The following IQCM variants were observed in gnomAD, a reference collection of about 807,000 sequenced individuals.
IQCM encodes IQ motif containing M, also known as IQ domain-containing protein M.
In IQCM, 45 loss-of-function variants were observed where a neutral mutation model predicts 57.6. The ratio of observed to expected loss-of-function variants is 0.78; its 90% CI spans 0.62 to 1.00. The LOEUF is 1.00. IQCM is among the 50% of genes least tolerant of loss of function. The pLI is 0.00. For missense variants in IQCM, 468 were observed against 511.6 expected (o/e 0.91, Z 0.82); for synonymous variants, 148 against 158.9 (o/e 0.93, Z 0.51).
chr4:149,618,411 C>G (rs1418788801), intron 8 of IQCM, among the ~76,000 whole-genome samples: 1 of 151,952 alleles, frequency 6.6e-6, no homozygotes, highest in Non-Finnish European at 1.5e-5. Context: ...AGAAGAAAAC[C>G]TAGGAAAAAG....
rs572572958 is a variant in IQCM at position 149,632,583 on chromosome 4, G to GA, written c.566-11340dup. Among the ~76,000 whole-genome samples, 729 of 150,176 alleles carry GA rather than the reference G, an allele frequency of 4.9e-3. 3 individuals are homozygous for GA. Among genetic ancestry groups the GA allele is most frequent in the Non-Finnish European group, 8.2e-3 (555 of 67,440 alleles). ...AGTTAATGTAATACATTCAAAAGAGGAAAAAAAAAGATCCTGGTGACAAAA... is the reference window on the plus strand; with the variant it reads ...AGTTAATGTAATACATTCAAAAGAGGAAAAAAAAAAGATCCTGGTGACAAAA... On this transcript the variant is annotated intron_variant, in intron 7 of 13. Coordinates refer to ENST00000636793, the MANE Select transcript of IQCM (RefSeq NM_001363507.2).
chr4:149,652,299 G>T (rs1579857540), intron 7 of IQCM, among the ~76,000 whole-genome samples: 1 of 152,140 alleles, frequency 6.6e-6, no homozygotes, highest in Middle Eastern at 3.4e-3. Flanking sequence ...CCTGTTGAGG[G>T]GTGGAGGGAA....
chr4:149,665,068 T>C (rs1212008766), intron 7 of IQCM, among the ~76,000 whole-genome samples: 1 of 152,132 alleles, frequency 6.6e-6, no homozygotes, highest in Non-Finnish European at 1.5e-5. Context: ...CAGAAACCCA[T>C]GTGAATGTGG....
intron 12 of IQCM, among the ~76,000 whole-genome samples, chr4:149,453,500 T>C (rs1056853511): frequency 5.9e-5 from 9 of 151,914 alleles, no homozygotes; most frequent in African/African-American, 2.2e-4. Flanking sequence ...ATAAGGAATA[T>C]GTAGAGTACT....
intron 13 of IQCM, among the ~76,000 whole-genome samples, chr4:149,407,169 C>T (rs115213394): frequency 1.3e-5 from 2 of 152,070 alleles, no homozygotes; most frequent in Non-Finnish European, 2.9e-5. Context: ...ATTATCCCCC[C>T]CCAGGTCCCT....
intron 12 of IQCM, among the ~76,000 whole-genome samples, chr4:149,547,690 A>G (rs1470158787): frequency 6.6e-6 from 1 of 152,222 alleles, no homozygotes; most frequent in Non-Finnish European, 1.5e-5. Context: ...GTGACTATGA[A>G]TGGTGATGGA....
intron 12 of IQCM, among the ~76,000 whole-genome samples, chr4:149,539,444 T>C (rs568551948): frequency 2.4e-4 from 36 of 152,216 alleles, no homozygotes; most frequent in African/African-American, 7.7e-4. Context: ...GTTATGAAAA[T>C]CTTTAAATTT....
In IQCM at chr4:149,661,582, G is replaced by C. The variant is rs537179198; in HGVS notation, c.565+20536C>G. 5.5e-4 allele frequency among the ~76,000 whole-genome samples: 84 copies of C among 152,178 alleles called. 2 individuals are homozygous for C. In the South Asian group the frequency reaches 0.015, roughly 28 times the overall value. ...TTCAGCAGTGAAGTCATCAGGTCCTGAGCTTTTCTTTGATGGAAGATTTTT... is the reference window on the plus strand; with the variant it reads ...TTCAGCAGTGAAGTCATCAGGTCCTCAGCTTTTCTTTGATGGAAGATTTTT... On this transcript the variant is annotated intron_variant, in intron 7 of 13. Coordinates refer to ENST00000636793, the MANE Select transcript of IQCM (RefSeq NM_001363507.2).
intron 12 of IQCM, among the ~76,000 whole-genome samples, chr4:149,512,683 C>A (rs1172542864): frequency 6.6e-6 from 1 of 152,116 alleles, no homozygotes; most frequent in East Asian, 1.9e-4. Flanking sequence ...ACTGGGTGAA[C>A]CCCAGACCTT....
intron 3 of IQCM, among the ~76,000 whole-genome samples, chr4:149,741,854 A>G (rs1283195707): frequency 6.6e-6 from 1 of 152,306 alleles, no homozygotes; most frequent in East Asian, 1.9e-4. Context: ...GAAGTAATGG[A>G]TATTATAATT....
intron 7 of IQCM, among the ~76,000 whole-genome samples, chr4:149,675,831 A>T (rs1430955256): frequency 6.6e-6 from 1 of 151,968 alleles, no homozygotes; most frequent in East Asian, 1.9e-4. Flanking sequence ...TGTTTTTAAT[A>T]TCTGAGAAGC....
chr4:149,693,762 T>A (rs189108709), intron 5 of IQCM, among the ~76,000 whole-genome samples: 76 of 152,368 alleles, frequency 5.0e-4, no homozygotes, highest in Middle Eastern at 6.8e-3. Flanking sequence ...ACTCCTATTT[T>A]ATATACCATT....
chr4:149,645,543 C>T (rs576452779), intron 7 of IQCM, among the ~76,000 whole-genome samples: 1 of 152,162 alleles, frequency 6.6e-6, no homozygotes, highest in Non-Finnish European at 1.5e-5. Flanking sequence ...CTGATGCTCC[C>T]CTTAAATCAG....
At chr4:149,567,963 G>A (rs1462700808) in intron 9 of IQCM, among the ~76,000 whole-genome samples, 4 of 152,026 alleles carry the variant, frequency 2.6e-5, no homozygotes, top group African/African-American at 9.7e-5. Flanking sequence ...TTTAAATATG[G>A]CCCAAATAAG....
At chr4:149,784,666 G>C (rs1008977299) in intron 2 of IQCM, among the ~76,000 whole-genome samples, 6 of 151,950 alleles carry the variant, frequency 3.9e-5, no homozygotes, top group Non-Finnish European at 5.9e-5. Context: ...CACCCGCCTC[G>C]GCCTCCCAAA....
At chr4:149,453,625 A>T (rs1215949587) in intron 12 of IQCM, among the ~76,000 whole-genome samples, 1 of 151,934 alleles carries the variant, frequency 6.6e-6, no homozygotes, top group Non-Finnish European at 1.5e-5. Context: ...GATATTCAAC[A>T]TCATAGTCAT....
intron 13 of IQCM, among the ~76,000 whole-genome samples, chr4:149,363,043 T>C (rs910353726): frequency 6.6e-6 from 1 of 152,206 alleles, no homozygotes; most frequent in Non-Finnish European, 1.5e-5. Flanking sequence ...CTTTGGCCTA[T>C]GTTTTGTGAG....
rs1773944590 is a variant in IQCM, at chr4:149,805,041, G to A, written c.-49+10270C>T. 3.9e-5 allele frequency among the ~76,000 whole-genome samples: 6 copies of A among 152,156 alleles called. 1 individual carries two copies. Among genetic ancestry groups the A allele is most frequent in the Middle Eastern group, 6.8e-3 (2 of 294 alleles). On this transcript the variant is annotated intron_variant, in intron 2 of 13. Transcript: ENST00000636793. ...TGTTGGCCACTTAAAGGAAAAGCCAGTTGTGAAGTGTTCTATCCTTAGGTT... is the reference window on the plus strand; with the variant it reads ...TGTTGGCCACTTAAAGGAAAAGCCAATTGTGAAGTGTTCTATCCTTAGGTT...
rs1250770560 is a variant in IQCM at position 149,659,062 on chromosome 4, G to C, written c.565+23056C>G. Among the ~76,000 whole-genome samples the C allele has an allele frequency of 3.3e-5, 5 of 151,870 alleles. No homozygotes were observed. In the East Asian group the frequency reaches 9.6e-4, roughly 29 times the overall value. On this transcript the variant is annotated intron_variant, in intron 7 of 13. Transcript: ENST00000636793. ...GGTATCTTTTTTATTGCATCTATTT[G>C]ATTCTTCTCTCTTTTCTCCTTTATT...
Sources: allele counts gnomAD v4.1 joint callset (sites outside exome capture counted in the v4.1 genomes callset), GRCh38; gene constraint gnomAD v4.1.1; transcripts MANE v1.5; gene names NCBI Gene and HGNC (gene_info 2026-07-23, HGNC 2026-07-21).